Variants in SEC16A observed in about 807,000 individuals in gnomAD.
The protein encoded by SEC16A is protein transport protein Sec16A.
In SEC16A, 110 loss-of-function variants were observed where a neutral mutation model predicts 221.9. The ratio of observed to expected loss-of-function variants is 0.50; its 90% CI spans 0.42 to 0.58. The LOEUF is 0.58. SEC16A is among the 20% of genes least tolerant of loss of function. SEC16A has a pLI of 0.00. For synonymous variants in SEC16A, 1,393 were observed against 1,257.7 expected, an observed-to-expected ratio of 1.11 and a Z score of -2.28; for missense variants, 3,165 against 3,097.8, an observed-to-expected ratio of 1.02 and a Z score of -0.52.
At chr9:136,443,996 C>A in intron 30 of SEC16A, 96 bp from the exon 31 acceptor site, 1 of 779,292 alleles carries the variant, frequency 1.3e-6, no homozygotes, top group Non-Finnish European at 2.0e-6. Context: ...GTGGGATTTA[C>A]AGTACTTTTA....
Position 136,443,855 on chromosome 9 carries a change from T to C in SEC16A, c.6973A>G (p.Met2325Val), listed in dbSNP as rs2131724564. The C allele has an allele frequency of 6.2e-7, 1 of 1,611,598 alleles. No homozygotes were observed. Among genetic ancestry groups the C allele is most frequent in the Non-Finnish European group, 8.5e-7 (1 of 1,178,956 alleles). ...AGCTGAGCAGGGTTGTAGAAGGGCA[T>C]GGCCCCGCTGGGAGGGCCCCCTGCA... Reference protein sequence around the residue: ...PAAGGPPSGAMPFYNPAQLAQ... With the variant: ...PAAGGPPSGAVPFYNPAQLAQ... Residue 2325 changes from methionine to valine, a missense_variant, in exon 31 of 32, where the codon ATG becomes GTG. Physicochemically the swap from Met to Val is conservative, Grantham distance 21 (BLOSUM62 1). This residue lies in a region of SEC16A where 1,088 missense variants were observed against 1,089.6 expected (regional missense o/e 1.00). Coordinates refer to ENST00000684901, the MANE Select transcript of SEC16A (RefSeq NM_014866.2).
rs1837063022 is a variant in SEC16A, at chr9:136,446,844, T to C, written c.6792+11A>G. The C allele has an allele frequency of 3.8e-6, 6 of 1,594,156 alleles. No individual in the cohort carries two copies. The highest frequency in any genetic ancestry group is 1.4e-5 in the African/African-American group (1 of 73,934). On this transcript the variant is annotated intron_variant, in intron 28 of 31. Transcript: ENST00000684901. ...TGGGTACCTTTCCCCTTTCCCACCGTACCCGCTCACCTTGGGCTCTGGGGC... is the reference window on the plus strand; with the variant it reads ...TGGGTACCTTTCCCCTTTCCCACCGCACCCGCTCACCTTGGGCTCTGGGGC...
chr9:136,471,689 G>C lies in SEC16A; in HGVS notation c.3704+286C>G, dbSNP rs148372910. On this transcript the variant is annotated intron_variant, in intron 4 of 31. Coordinates refer to ENST00000684901, the MANE Select transcript of SEC16A (RefSeq NM_014866.2). ...TCAAGAGGGGCTCACAGACAAGTCA[G>C]AGGCTGCTTCTCTGCAGCCCTGAGC... 4.5e-3 allele frequency among the ~76,000 whole-genome samples: 682 copies of C among 152,354 alleles called. 3 individuals carry two copies. Among genetic ancestry groups the C allele is most frequent in the Middle Eastern group, 0.031 (9 of 294 alleles).
At chr9:136,449,587 C>G (rs561284237) in intron 23 of SEC16A, among the ~76,000 whole-genome samples, 3 of 152,212 alleles carry the variant, frequency 2.0e-5, no homozygotes, top group African/African-American at 7.2e-5. Context: ...CTGCTGCGCC[C>G]GGCCTCCCAG....
At chr9:136,482,773 G>A (rs1257975320) in intron 1 of SEC16A, among the ~76,000 whole-genome samples, 165 bp downstream of exon 1, 1 of 151,998 alleles carries the variant, frequency 6.6e-6, no homozygotes, top group Admixed American at 6.5e-5. Context: ...CCGGACGTCT[G>A]TCCCCTCGAC....
intron 1 of SEC16A, among the ~76,000 whole-genome samples, chr9:136,480,543 A>G (rs1842190866): frequency 6.6e-6 from 1 of 152,152 alleles, no homozygotes; most frequent in Admixed American, 6.5e-5. Flanking sequence ...CCCGGGTTTA[A>G]TCTTATGAGA....
chr9:136,463,187 G>T, intron 11 of SEC16A, 55 bp from the exon 12 acceptor site: 1 of 1,589,352 alleles, frequency 6.3e-7, no homozygotes, highest in Non-Finnish European at 8.5e-7. Context: ...GTGAGGACGC[G>T]TTGGACCACC....
chr9:136,443,948 G>GCC, intron 30 of SEC16A, 48 bp from the exon 31 acceptor site: 1 of 1,395,356 alleles, frequency 7.2e-7, no homozygotes, highest in Non-Finnish European at 9.8e-7. Flanking sequence ...CTGCACAGCA[G>GCC]CTGTCACTTC....
At chr9:136,464,365 G>C (rs1265970012) in intron 9 of SEC16A, 55 bp downstream of exon 9, 46 of 1,521,152 alleles carry the variant, frequency 3.0e-5, no homozygotes, top group Non-Finnish European at 3.9e-5. Context: ...CTGCAAAGCA[G>C]AGAGTTCCCC....
intron 23 of SEC16A, 163 bp from the exon 24 acceptor site, chr9:136,448,324 A>T (rs1172869009): frequency 1.9e-5 from 14 of 721,990 alleles, no homozygotes. Context: ...CCACAGAGAC[A>T]CCAGGAGGAT....
intron 3 of SEC16A, 30 bp downstream of exon 3, chr9:136,474,019 A>G (rs763457538): frequency 6.4e-7 from 1 of 1,561,580 alleles, no homozygotes; most frequent in Admixed American, 1.8e-5. Flanking sequence ...CAGACAGAAA[A>G]GTGGGTTACA....
In SEC16A at chr9:136,441,806, C is replaced by T; in HGVS notation, c.7023G>A (p.Gly2341=). The change falls in exon 32 of 32, where the codon GGG becomes GGA. Residue 2341 remains glycine (G), a synonymous_variant. Coordinates refer to ENST00000684901, the MANE Select transcript of SEC16A (RefSeq NM_014866.2). ...AQLAQACATS[G]SSRLGRIGQR... ...GGCCAATCCTCCCTAGCCTTGAGCT[C>T]CCGGAGGTGGCGCAGGCCTGGAATG... The T allele has an allele frequency of 6.2e-7, 1 of 1,613,214 alleles. No individual in the cohort carries two copies. Among genetic ancestry groups the T allele is most frequent in the South Asian group, 1.1e-5 (1 of 91,078 alleles).
chr9:136,461,133 G>T, intron 13 of SEC16A, 44 bp downstream of exon 13: 1 of 1,489,914 alleles, frequency 6.7e-7, no homozygotes. Context: ...GCTACAGGGA[G>T]CCAGCAGGGC....
At chr9:136,449,520 T>C (rs1370129469) in intron 23 of SEC16A, among the ~76,000 whole-genome samples, 2 of 152,208 alleles carry the variant, frequency 1.3e-5, no homozygotes, top group East Asian at 3.9e-4. Flanking sequence ...AGTGCTGGGG[T>C]GACAGGCGTG....
intron 31 of SEC16A, among the ~76,000 whole-genome samples, chr9:136,442,285 A>G (rs1020886395): frequency 1.3e-5 from 2 of 152,246 alleles, no homozygotes; most frequent in Non-Finnish European, 2.9e-5. Context: ...CACTAACCAC[A>G]TGGTAAAGGG....
chr9:136,445,073 T>C lies in SEC16A; in HGVS notation c.6906A>G (p.Glu2302=). 1 of 1,607,646 alleles carries C rather than the reference T, an allele frequency of 6.2e-7. No homozygotes were observed. Among genetic ancestry groups the C allele is most frequent in the East Asian group, 2.2e-5 (1 of 44,734 alleles). Residue 2302 remains glutamate (E), a synonymous_variant, in exon 30 of 32, where the codon GAA becomes GAG. Transcript: ENST00000684901. The part of the protein sequence containing the change: ...RCSSMSSLSR[E]VSQHFNQAPG... ...GTACCTGATTAAAATGCTGGCTCAC[T>C]TCACGTGATAATGAACTCATTGAAC...
intron 1 of SEC16A, among the ~76,000 whole-genome samples, chr9:136,482,216 T>C (rs67220311): frequency 0.21 from 32,105 of 152,182 alleles, 3,694 homozygotes; most frequent in Non-Finnish European, 0.27. Flanking sequence ...AAGTATCACT[T>C]CTAGGAAGAA....
intron 1 of SEC16A, among the ~76,000 whole-genome samples, chr9:136,481,263 G>C (rs944775312): frequency 6.6e-6 from 1 of 150,620 alleles, no homozygotes; most frequent in Non-Finnish European, 1.5e-5. Flanking sequence ...AGCCTCCAGC[G>C]TAGCTGGGAC....
chr9:136,484,376 T>C, upstream of SEC16A: 1 of 1,180,412 alleles, frequency 8.5e-7, no homozygotes, highest in African/African-American at 1.6e-5. Context: ...AGGGAACAGG[T>C]GGGCACTATC....
Sources: gnomAD v4.1 joint callset for allele counts (sites outside exome capture counted in the v4.1 genomes callset) on GRCh38, gnomAD v4.1.1 for gene constraint, gnomAD v4.1.1 regional missense constraint, MANE v1.5 for transcripts, NCBI Gene and HGNC (gene_info 2026-07-23, HGNC 2026-07-21) for gene names.